HABP4: variants seen among roughly 807,000 people sequenced by gnomAD.
HABP4 encodes the protein intracellular hyaluronan-binding protein 4.
Under a neutral mutation model 44.1 loss-of-function variants are expected in HABP4, and 32 were observed. The observed-to-expected ratio is 0.73, with a 90% confidence interval of 0.55 to 0.97. The LOEUF (loss-of-function observed/expected upper bound fraction) is 0.97, where lower values mean the gene tolerates loss of function less well. Among genes scored for constraint, HABP4 ranks in the 50% least tolerant of loss-of-function variants. The pLI is 0.00. For missense variants in HABP4, 503 were observed against 561.9 expected, an observed-to-expected ratio of 0.90 and a Z score of 1.06; for synonymous variants, 216 against 218.0, an observed-to-expected ratio of 0.99 and a Z score of 0.08.
At position 96,488,921 on chromosome 9, in the gene HABP4, G is replaced by A. The variant is rs952061442; in HGVS notation, c.1185+647G>A. On this transcript the variant is annotated intron_variant, in intron 7 of 7. Coordinates refer to ENST00000375249, the MANE Select transcript of HABP4 (RefSeq NM_014282.4). This position sits in a 1 kb window ranked among gnomAD's most constrained non-coding sequence, Gnocchi z 4.6. Reference sequence around the variant, plus strand: ...GTGCGGCTGTATTCTCACTGGTGTGGCTATCGGTCAGCGGCTGCTTTTGCT... The same window carrying A: ...GTGCGGCTGTATTCTCACTGGTGTGACTATCGGTCAGCGGCTGCTTTTGCT... Among the ~76,000 whole-genome samples the A allele has an allele frequency of 2.0e-5, 3 of 152,176 alleles. No homozygotes were observed. Among genetic ancestry groups the A allele is most frequent in the Admixed American group, 6.5e-5 (1 of 15,284 alleles).
Position 96,450,392 on chromosome 9 carries a change from C to G in HABP4, c.113C>G (p.Pro38Arg). The G allele has an allele frequency of 7.8e-7, 1 of 1,286,778 alleles. No homozygotes were observed. The highest frequency in any genetic ancestry group is 1.0e-6 in the Non-Finnish European group (1 of 987,264). The allele number at this position is 1,286,778 out of a possible 1,614,324, so 79.7% of individuals were successfully genotyped here. A position where few individuals can be genotyped will look rare whatever the true frequency, so the allele number is the denominator to read the frequency against. ...FHQLLDDESD[P>R]FDILREAERR... is the part of the protein sequence containing the mutation. ...CAGCTGCTGGACGACGAGTCGGACCCGTTCGACATCCTGCGCGAGGCCGAG... is the reference window on the plus strand; with the variant it reads ...CAGCTGCTGGACGACGAGTCGGACCGGTTCGACATCCTGCGCGAGGCCGAG... Residue 38 changes from proline (P) to arginine (R), a missense_variant, in exon 1 of 8, where the codon CCG becomes CGG. Coordinates refer to ENST00000375249, the MANE Select transcript of HABP4 (RefSeq NM_014282.4). The surrounding 1 kb of genome is among the most constrained non-coding windows in gnomAD (Gnocchi z 4.8).
intron 3 of HABP4, 76 bp downstream of exon 3, chr9:96,465,574 T>A: frequency 8.5e-7 from 1 of 1,179,592 alleles, no homozygotes; most frequent in Non-Finnish European, 1.3e-6. Flanking sequence ...TGTGTTAATA[T>A]TTAGTTAACT....
chr9:96,450,777 G>C lies in HABP4; in HGVS notation c.349+149G>C. 1.6e-6 allele frequency: 1 copy of C among 615,260 alleles called. No homozygotes were observed. Among genetic ancestry groups the C allele is most frequent in the Non-Finnish European group, 2.3e-6 (1 of 431,230 alleles). 38.1% of individuals were successfully genotyped at this position (615,260 alleles called of 1,614,324 possible). ...CCGAAGGTAGGAGGAGAGGGGCAGG[G>C]GTCACACCCCTTCCAGCTCTCGCCA... On this transcript the variant is annotated intron_variant, in intron 1 of 7. Transcript: ENST00000375249. The surrounding 1 kb of genome is among the most constrained non-coding windows in gnomAD (Gnocchi z 4.8).
chr9:96,458,567 C>T (rs146516303), intron 2 of HABP4, 26 bp downstream of exon 2: 13 of 1,518,776 alleles, frequency 8.6e-6, no homozygotes, highest in South Asian at 4.6e-5. Flanking sequence ...CTCAGCAGGG[C>T]GGGTGGGGAA....
In HABP4 at chr9:96,465,612, A is replaced by G. The variant is rs574919339; in HGVS notation, c.675-98A>G. Reference sequence around the variant, plus strand: ...ATAGTACTGTGCTGTTATTCTTGTGAGAAGCTGATCCTGGGACTTTTATGA... The same window carrying G: ...ATAGTACTGTGCTGTTATTCTTGTGGGAAGCTGATCCTGGGACTTTTATGA... On this transcript the variant is annotated intron_variant, in intron 3 of 7. Transcript: ENST00000375249. 1.7e-5 allele frequency: 20 copies of G among 1,161,906 alleles called. No homozygotes were observed. In the East Asian group the frequency reaches 4.5e-4, roughly 26 times the overall value. The allele number at this position is 1,161,906 out of a possible 1,614,324, so 72.0% of individuals were successfully genotyped here.
chr9:96,482,005 G>A (rs754617510), intron 5 of HABP4, among the ~76,000 whole-genome samples: 36 of 150,066 alleles, frequency 2.4e-4, no homozygotes, highest in Non-Finnish European at 4.4e-4. Context: ...GTGCGATCTC[G>A]GCTCACTGCA....
Position 96,450,573 on chromosome 9 carries a change from C to T in HABP4, c.294C>T (p.Leu98=). ...AGTCGCAGAAGGAGCGCAAGAGCCT[C>T]CCGGCGCCCGTCGCTCAGCGGCCCG... ...RRESQKERKS[L]PAPVAQRPDS... Residue 98 remains leucine, a synonymous_variant, in exon 1 of 8, where the codon CTC becomes CTT. Coordinates refer to ENST00000375249, the MANE Select transcript of HABP4 (RefSeq NM_014282.4). The surrounding 1 kb of genome is among the most constrained non-coding windows in gnomAD (Gnocchi z 4.8). The T allele has an allele frequency of 7.8e-7, 1 of 1,280,016 alleles. No individual in the cohort carries two copies. The highest frequency in any genetic ancestry group is 9.9e-7 in the Non-Finnish European group (1 of 1,013,508). 79.3% of individuals were successfully genotyped at this position (1,280,016 alleles called of 1,614,324 possible). A position where few individuals can be genotyped will look rare whatever the true frequency, so the allele number is the denominator to read the frequency against.
chr9:96,450,122 C>A (rs1390117526), upstream of HABP4: 1 of 694,206 alleles, frequency 1.4e-6, no homozygotes, highest in Non-Finnish European at 1.9e-6. The surrounding 1 kb of genome is among the most constrained non-coding windows in gnomAD (Gnocchi z 4.8). Flanking sequence ...GCGGGGCGGA[C>A]GGCGGCGGCG....
chr9:96,488,072 C>G lies in HABP4; in HGVS notation c.1000-17C>G, dbSNP rs1833005962. On this transcript the variant is annotated splice_polypyrimidine_tract_variant and intron_variant, in intron 6 of 7. Transcript: ENST00000375249. This position sits in a 1 kb window ranked among gnomAD's most constrained non-coding sequence, Gnocchi z 4.6. Reference sequence around the variant, plus strand: ...GCTGTGGACTTGTGCGTGTTTGATGCTGTAATTGTGTTTCAGATGGTAAAA... The same window carrying G: ...GCTGTGGACTTGTGCGTGTTTGATGGTGTAATTGTGTTTCAGATGGTAAAA... 6.9e-6 allele frequency: 11 copies of G among 1,589,640 alleles called. No homozygotes were observed. In the East Asian group the frequency reaches 2.5e-4, roughly 36 times the overall value.
chr9:96,450,108 C>A, upstream of HABP4: 1 of 573,752 alleles, frequency 1.7e-6, no homozygotes, highest in Non-Finnish European at 2.3e-6. The surrounding 1 kb of genome is among the most constrained non-coding windows in gnomAD (Gnocchi z 4.8). Context: ...GGCTGTCTGG[C>A]GCAGCGGGGC....
At chr9:96,481,938 CTTTT>C (rs112457385) in intron 5 of HABP4, among the ~76,000 whole-genome samples, 2 of 142,236 alleles carry the variant, frequency 1.4e-5, no homozygotes, top group Non-Finnish European at 3.1e-5. Flanking sequence ...ATCTCTAGAA[CTTTT>C]TTTTTTTTTT....
chr9:96,489,801 T>G (rs1357941596), intron 7 of HABP4, among the ~76,000 whole-genome samples, 181 bp from the exon 8 acceptor site: 1 of 152,196 alleles, frequency 6.6e-6, no homozygotes, highest in Admixed American at 6.5e-5. Context: ...TGGAGGCCTG[T>G]GTGGGAGGGG....
At position 96,462,906 on chromosome 9, in the gene HABP4, A is replaced by G. The variant is rs555532985; in HGVS notation, c.513-2431A>G. Among the ~76,000 whole-genome samples, 23 of 152,108 alleles carry G rather than the reference A, an allele frequency of 1.5e-4. No homozygotes were observed. In the East Asian group the frequency reaches 4.5e-3, roughly 29 times the overall value. On this transcript the variant is annotated intron_variant, in intron 2 of 7. Coordinates refer to ENST00000375249, the MANE Select transcript of HABP4 (RefSeq NM_014282.4). ...CATTGCACTCCAGCTTGGGCAACAG[A>G]GTGAGATACTGTCTGAAAAAAAAAA...
At chr9:96,472,581 G>A (rs1457777132) in intron 5 of HABP4, among the ~76,000 whole-genome samples, 2 of 152,030 alleles carry the variant, frequency 1.3e-5, no homozygotes, top group African/African-American at 2.4e-5. Flanking sequence ...ACCTCTTCAC[G>A]CTTCAGATCT....
chr9:96,479,968 C>G (rs908422261), intron 5 of HABP4, among the ~76,000 whole-genome samples: 3 of 151,976 alleles, frequency 2.0e-5, no homozygotes, highest in Non-Finnish European at 4.4e-5. Context: ...GAGTTTGAGA[C>G]CAGCCTAGGC....
chr9:96,471,149 C>CA, intron 5 of HABP4, 55 bp downstream of exon 5: 1 of 773,340 alleles, frequency 1.3e-6, no homozygotes, highest in Non-Finnish European at 2.1e-6. Context: ...TTAATGATTT[C>CA]TTTTTTTTTT....
At chr9:96,479,887 C>T (rs1322215554) in intron 5 of HABP4, among the ~76,000 whole-genome samples, 1 of 152,020 alleles carries the variant, frequency 6.6e-6, no homozygotes, top group Non-Finnish European at 1.5e-5. Flanking sequence ...AAATGCTGGC[C>T]GGGTGCGGTG....
chr9:96,462,011 T>C (rs1293411469), intron 2 of HABP4, among the ~76,000 whole-genome samples: 1 of 149,478 alleles, frequency 6.7e-6, no homozygotes. Context: ...CAAAAATTAG[T>C]GGGGTGCGCC....
In HABP4 at chr9:96,450,495, C is replaced by T; in HGVS notation, c.216C>T (p.Gly72=). Residue 72 remains glycine (G), a synonymous_variant, in exon 1 of 8, where the codon GGC becomes GGT. Coordinates refer to ENST00000375249, the MANE Select transcript of HABP4 (RefSeq NM_014282.4). This position sits in a 1 kb window ranked among gnomAD's most constrained non-coding sequence, Gnocchi z 4.8. ...CGGCCGGGGCCGGTCCCCGCGGCGG[C>T]AGGAGCCCAGCCGGGGCCTCGGGCC... ...AAAAGAGPRG[G]RSPAGASGHR... is the part of the protein sequence containing the mutation. 1 of 1,213,506 alleles carries T rather than the reference C, an allele frequency of 8.2e-7. No individual in the cohort carries two copies. Among genetic ancestry groups the T allele is most frequent in the Non-Finnish European group, 1.0e-6 (1 of 975,760 alleles). 75.2% of individuals were successfully genotyped at this position (1,213,506 alleles called of 1,614,324 possible).
Sources: allele counts gnomAD v4.1 joint callset (sites outside exome capture counted in the v4.1 genomes callset), GRCh38; gene constraint gnomAD v4.1.1; non-coding constraint Gnocchi (gnomAD v3.1); transcripts MANE v1.5; gene names NCBI Gene and HGNC (gene_info 2026-07-23, HGNC 2026-07-21).